The following GHR variants were observed in gnomAD, a reference collection of about 807,000 sequenced individuals.
GHR encodes the protein growth hormone receptor, also known as GH receptor.
Under a neutral mutation model 67.1 loss-of-function variants are expected in GHR, and 35 were observed. The observed-to-expected ratio is 0.52, with a 90% CI of 0.40 to 0.69. The LOEUF is 0.69. Among genes scored for constraint, GHR ranks in the 30% least tolerant of loss-of-function variants. The pLI is 0.00. For synonymous variants in GHR, 272 were observed against 269.1 expected (o/e 1.01, Z -0.10); for missense variants, 792 against 764.6 (o/e 1.04, Z -0.42).
chr5:42,554,578 A>G (rs35090794), intron 1 of GHR, among the ~76,000 whole-genome samples: 47,830 of 151,958 alleles, frequency 0.31, 9,075 homozygotes, highest in African/African-American at 0.52. Context: ...TTCTACACTA[A>G]CTAGGGAGCT....
intron 3 of GHR, among the ~76,000 whole-genome samples, chr5:42,640,964 T>C (rs73087475): frequency 0.098 from 14,909 of 152,174 alleles, 815 homozygotes; most frequent in Middle Eastern, 0.19. Flanking sequence ...TACTCCAAAT[T>C]ACCAGTGCCA....
At position 42,548,827 on chromosome 5, in the gene GHR, T is replaced by A. The variant is rs186327727; in HGVS notation, c.-11-17037T>A. Among the ~76,000 whole-genome samples the A allele has an allele frequency of 2.9e-3, 445 of 152,354 alleles. 2 individuals carry two copies. Among genetic ancestry groups the A allele is most frequent in the African/African-American group, 0.01 (423 of 41,586 alleles). On this transcript the variant is annotated intron_variant, in intron 1 of 9. Coordinates refer to ENST00000230882, the MANE Select transcript of GHR (RefSeq NM_000163.5). ...AAGCCTTTGGCTGCCTTCCTCCTTGTCTGGTCACCATCAAGATATAATTTT... is the reference window on the plus strand; with the variant it reads ...AAGCCTTTGGCTGCCTTCCTCCTTGACTGGTCACCATCAAGATATAATTTT...
At chr5:42,486,706 G>T (rs1269168000) in intron 1 of GHR, among the ~76,000 whole-genome samples, 1 of 152,076 alleles carries the variant, frequency 6.6e-6, no homozygotes, top group Non-Finnish European at 1.5e-5. Context: ...AATTAACCGG[G>T]CGTCGTGGCG....
At chr5:42,448,816 T>C (rs1359745064) in intron 1 of GHR, among the ~76,000 whole-genome samples, 1 of 152,116 alleles carries the variant, frequency 6.6e-6, no homozygotes. Context: ...TTATATAAGG[T>C]GAGGGATGAG....
chr5:42,540,567 T>C (rs114837002), intron 1 of GHR, among the ~76,000 whole-genome samples: 5,392 of 152,272 alleles, frequency 0.035, 125 homozygotes, highest in Admixed American at 0.053. Context: ...GGGAAGCCTG[T>C]CACTTTTCTA....
At chr5:42,647,396 A>T (rs1754790909) in intron 3 of GHR, among the ~76,000 whole-genome samples, 1 of 151,996 alleles carries the variant, frequency 6.6e-6, no homozygotes, top group Non-Finnish European at 1.5e-5. Flanking sequence ...AACACAGTGA[A>T]ACCCCTTCTC....
In GHR at chr5:42,719,252, G is replaced by A. The variant is rs1017271370; in HGVS notation, c.1745G>A (p.Gly582Glu). The change falls in exon 10 of 10, where the codon GGA becomes GAA. Residue 582 changes from glycine (G) to glutamate (E), a missense_variant. By Grantham distance (98) the Gly-to-Glu change is moderately conservative (BLOSUM62 -2). Transcript: ENST00000230882. ...LTTAAGRPGT[G>E]EHVPGSEMPV... Reference sequence around the variant, plus strand: ...ACTGCTGCTGGGAGGCCTGGGACAGGAGAACATGTTCCAGGTTCTGAGATG... The same window carrying A: ...ACTGCTGCTGGGAGGCCTGGGACAGAAGAACATGTTCCAGGTTCTGAGATG... 1.2e-6 allele frequency: 2 copies of A among 1,613,914 alleles called. No homozygotes were observed. Among genetic ancestry groups the A allele is most frequent in the East Asian group, 2.2e-5 (1 of 44,888 alleles).
At chr5:42,590,707 A>G (rs1021691628) in intron 2 of GHR, among the ~76,000 whole-genome samples, 1 of 152,244 alleles carries the variant, frequency 6.6e-6, no homozygotes, top group East Asian at 1.9e-4. Context: ...AAAAGAGATC[A>G]TCTTGATATT....
intron 1 of GHR, among the ~76,000 whole-genome samples, chr5:42,529,928 G>A (rs1284428262): frequency 6.8e-6 from 1 of 147,794 alleles, no homozygotes; most frequent in South Asian, 2.1e-4. Flanking sequence ...TAGCACTAAA[G>A]AGAAATAGAA....
At chr5:42,683,776 C>G (rs568339289) in intron 3 of GHR, among the ~76,000 whole-genome samples, 1 of 152,198 alleles carries the variant, frequency 6.6e-6, no homozygotes, top group Non-Finnish European at 1.5e-5. Context: ...ACATCTGTAT[C>G]GGAGTTCCAT....
chr5:42,583,898 A>ATATAT (rs1452845926), intron 2 of GHR, among the ~76,000 whole-genome samples: 1,656 of 145,698 alleles, frequency 0.011, 12 homozygotes, highest in Middle Eastern at 0.028. Flanking sequence ...TATATATATA[A>ATATAT]ATTCTTACAG....
intron 3 of GHR, among the ~76,000 whole-genome samples, chr5:42,647,397 A>G (rs576603379): frequency 6.6e-6 from 1 of 152,040 alleles, no homozygotes; most frequent in African/African-American, 2.4e-5. Flanking sequence ...ACACAGTGAA[A>G]CCCCTTCTCT....
chr5:42,534,519 T>C (rs535236246), intron 1 of GHR, among the ~76,000 whole-genome samples: 1 of 150,744 alleles, frequency 6.6e-6, no homozygotes, highest in Non-Finnish European at 1.5e-5. Flanking sequence ...TGTATATGTG[T>C]ATATATGTAT....
intron 1 of GHR, among the ~76,000 whole-genome samples, chr5:42,481,828 A>G (rs1308689120): frequency 2.0e-5 from 3 of 152,036 alleles, no homozygotes; most frequent in Non-Finnish European, 4.4e-5. Context: ...ATTGGCTCAA[A>G]CTTCCTCCTG....
chr5:42,524,265 C>A (rs1472010176), intron 1 of GHR, among the ~76,000 whole-genome samples: 1 of 152,090 alleles, frequency 6.6e-6, no homozygotes, highest in South Asian at 2.1e-4. Flanking sequence ...ACGATATGGA[C>A]AATAAAGTCC....
chr5:42,671,812 C>T lies in GHR; in HGVS notation c.137-17078C>T, dbSNP rs1409852965. Among the ~76,000 whole-genome samples, 157 of 151,684 alleles carry T rather than the reference C, an allele frequency of 1.0e-3. 1 individual carries two copies. The highest frequency in any genetic ancestry group is 4.0e-3 in the Admixed American group (61 of 15,240). ...TCTACTAAAAATACAAAAAATTAGCCGGGCGTAGGGGCGGGCGCCTGTAGT... is the reference window on the plus strand; with the variant it reads ...TCTACTAAAAATACAAAAAATTAGCTGGGCGTAGGGGCGGGCGCCTGTAGT... On this transcript the variant is annotated intron_variant, in intron 3 of 9. Transcript: ENST00000230882.
At chr5:42,717,521 C>A (rs1172491168) in intron 8 of GHR, among the ~76,000 whole-genome samples, 14 of 151,934 alleles carry the variant, frequency 9.2e-5, no homozygotes, top group Non-Finnish European at 1.3e-4. Context: ...TGTAGTAAAA[C>A]CCTGGTTAAT....
At chr5:42,653,270 C>T (rs1755096760) in intron 3 of GHR, among the ~76,000 whole-genome samples, 2 of 152,120 alleles carry the variant, frequency 1.3e-5, no homozygotes, top group Non-Finnish European at 1.5e-5. Context: ...AGTAAGGTTA[C>T]TCTTGTCATC....
intron 1 of GHR, chr5:42,466,994 G>A (rs1744760476): frequency 1.3e-6 from 2 of 1,573,112 alleles, no homozygotes; most frequent in East Asian, 4.5e-5. Flanking sequence ...TGGGTTCTCT[G>A]GTGCACCGTG....
Sources: allele counts gnomAD v4.1 joint callset (sites outside exome capture counted in the v4.1 genomes callset), GRCh38; gene constraint gnomAD v4.1.1; transcripts MANE v1.5; gene names NCBI Gene and HGNC (gene_info 2026-07-23, HGNC 2026-07-21).